Variants in CD274 observed in about 807,000 individuals in gnomAD.
CD274 encodes programmed cell death 1 ligand 1.
A neutral mutation model predicts 30.1 loss-of-function variants in CD274; 8 were observed. The ratio of observed to expected loss-of-function variants is 0.27; its 90% CI spans 0.16 to 0.48. The LOEUF (loss-of-function observed/expected upper bound fraction) is 0.48. CD274 is among the 20% of genes least tolerant of loss of function. The probability of loss-of-function intolerance (pLI) is 0.99; values close to 1 mark genes in which losing one functional copy is unlikely to be tolerated. For synonymous variants in CD274, 152 were observed against 124.6 expected (o/e 1.22, Z -1.46); for missense variants, 353 against 346.6 (o/e 1.02, Z -0.15).
intron 5 of CD274, 149 bp from the exon 6 acceptor site, chr9:5,466,621 C>T: frequency 1.7e-6 from 1 of 595,112 alleles, no homozygotes; most frequent in Non-Finnish European, 3.0e-6. Flanking sequence ...ATTAATTAAC[C>T]TCATAAGTTG....
intron 4 of CD274, chr9:5,463,375 A>G: frequency 2.1e-6 from 1 of 475,696 alleles, no homozygotes; most frequent in African/African-American, 1.9e-5. Context: ...TACACATAGA[A>G]TAATAAGACT....
Position 5,457,456 on chromosome 9 carries a change from T to C in CD274, c.394+36T>C, listed in dbSNP as rs867499468. 21 of 1,527,368 alleles carry C rather than the reference T, an allele frequency of 1.4e-5. No homozygotes were observed. The Middle Eastern group carries it at 8.5e-4, about 62-fold the overall frequency. The allele number at this position is 1,527,368 out of a possible 1,614,324, so 94.6% of individuals were successfully genotyped here. A position where few individuals can be genotyped will look rare whatever the true frequency, so the allele number is the denominator to read the frequency against. On this transcript the variant is annotated intron_variant, in intron 3 of 6. Transcript: ENST00000381577. ...TTATAGATGAGAGGCCTGATCTTTA[T>C]TGAAAACATATTCCAAGTGTTGAAG...
chr9:5,450,761 G>C (rs1444389158), intron 1 of CD274, among the ~76,000 whole-genome samples, 165 bp downstream of exon 1: 1 of 152,228 alleles, frequency 6.6e-6, no homozygotes, highest in African/African-American at 2.4e-5. Context: ...TTACCTGTTG[G>C]GGTTAATAAG....
chr9:5,466,002 T>C (rs1400460379), intron 5 of CD274: 1 of 153,860 alleles, frequency 6.5e-6, no homozygotes, highest in Non-Finnish European at 1.4e-5. Context: ...ATGTTTACCA[T>C]AGAGTATTTT....
chr9:5,470,198 C>T lies in CD274; in HGVS notation c.*2336C>T, dbSNP rs1040463162. 1 of 232,970 alleles carries T rather than the reference C, an allele frequency of 4.3e-6. No homozygotes were observed. The allele number at this position is 232,970 out of a possible 1,614,324, so 14.4% of individuals were successfully genotyped here. ...TGAAGAAACAGTGTCTCCAACAGAG[C>T]TCCTTGTGTTATCTGTTTGTACATG... On this transcript the variant is annotated 3_prime_UTR_variant, in exon 7 of 7. Coordinates refer to ENST00000381577, the MANE Select transcript of CD274 (RefSeq NM_014143.4).
At chr9:5,464,232 C>G (rs1050424874) in intron 4 of CD274, among the ~76,000 whole-genome samples, 2 of 152,128 alleles carry the variant, frequency 1.3e-5, no homozygotes, top group Non-Finnish European at 2.9e-5. Context: ...CATTTACAAG[C>G]TGTTTTATGA....
At chr9:5,452,308 C>T (rs1275703795) in intron 1 of CD274, among the ~76,000 whole-genome samples, 2 of 152,178 alleles carry the variant, frequency 1.3e-5, no homozygotes, top group Non-Finnish European at 2.9e-5. Context: ...TGAGCCACTG[C>T]TCCTGGCTGC....
chr9:5,462,490 T>G (rs1358305359), intron 3 of CD274, among the ~76,000 whole-genome samples: 1 of 152,186 alleles, frequency 6.6e-6, no homozygotes, highest in Non-Finnish European at 1.5e-5. Flanking sequence ...TTTGTAGAAA[T>G]TTAAGGGGTA....
chr9:5,455,433 TG>T (rs1207673458), intron 1 of CD274, among the ~76,000 whole-genome samples: 1 of 152,086 alleles, frequency 6.6e-6, no homozygotes, highest in East Asian at 1.9e-4. Flanking sequence ...TCTGGAAGAG[TG>T]GCTGTGAGTC....
chr9:5,466,681 T>C, intron 5 of CD274, 89 bp from the exon 6 acceptor site: 1 of 952,738 alleles, frequency 1.0e-6, no homozygotes, highest in Non-Finnish European at 1.6e-6. Flanking sequence ...ATTACAAATG[T>C]TTCACAGAAC....
chr9:5,462,002 T>A (rs1411187705), intron 3 of CD274, among the ~76,000 whole-genome samples: 1 of 152,188 alleles, frequency 6.6e-6, no homozygotes, highest in Non-Finnish European at 1.5e-5. Flanking sequence ...ACTAACGTCC[T>A]TAGTTATGAC....
chr9:5,465,614 T>A lies in CD274; in HGVS notation c.790+8T>A, dbSNP rs1438932808. ...TCTTCCGTTTAAGAAAAGGTAGTAT[T>A]TCCTTAATTGCAGTGGTCTCCACTG... On this transcript the variant is annotated splice_region_variant and intron_variant, in intron 5 of 6. Transcript: ENST00000381577. The A allele has an allele frequency of 7.3e-6, 11 of 1,507,814 alleles. No individual in the cohort carries two copies. In the African/African-American group the frequency reaches 1.5e-4, roughly 21 times the overall value. 93.4% of individuals were successfully genotyped at this position (1,507,814 alleles called of 1,614,324 possible).
intron 1 of CD274, among the ~76,000 whole-genome samples, chr9:5,453,171 A>C (rs538400841): frequency 6.6e-6 from 1 of 152,152 alleles, no homozygotes; most frequent in South Asian, 2.1e-4. Context: ...GACGGAAAGG[A>C]AAGAAATAAA....
chr9:5,463,872 C>G (rs899484372), intron 4 of CD274, among the ~76,000 whole-genome samples: 2 of 151,816 alleles, frequency 1.3e-5, no homozygotes, highest in African/African-American at 4.8e-5. Context: ...TCTCACTACT[C>G]TACAGAAGTA....
intron 3 of CD274, among the ~76,000 whole-genome samples, chr9:5,460,390 G>C (rs757017795): frequency 6.6e-6 from 1 of 152,030 alleles, no homozygotes; most frequent in South Asian, 2.1e-4. Context: ...GTCTAAATTA[G>C]TTCATTTCCT....
At chr9:5,456,587 C>G (rs12002985) in intron 2 of CD274, among the ~76,000 whole-genome samples, 94,218 of 152,070 alleles carry the variant, frequency 0.62, 30,124 homozygotes, top group East Asian at 0.92. Context: ...AAATGTCAGG[C>G]TAACACAGTA....
At chr9:5,460,690 G>T (rs1314842348) in intron 3 of CD274, among the ~76,000 whole-genome samples, 1 of 152,044 alleles carries the variant, frequency 6.6e-6, no homozygotes, top group Non-Finnish European at 1.5e-5. Context: ...TTGTACCTCT[G>T]GTGTACGTAT....
chr9:5,462,749 A>G (rs949499750), intron 3 of CD274, 85 bp from the exon 4 acceptor site: 1 of 1,280,806 alleles, frequency 7.8e-7, no homozygotes, highest in Non-Finnish European at 1.1e-6. Flanking sequence ...CTGCATTGAT[A>G]CTCTTTCTAA....
intron 1 of CD274, among the ~76,000 whole-genome samples, chr9:5,452,518 T>C (rs1819225889): frequency 6.6e-6 from 1 of 152,224 alleles, no homozygotes; most frequent in African/African-American, 2.4e-5. Context: ...TCACATATGG[T>C]CATAATTCTT....
Sources: gnomAD v4.1 joint callset for allele counts (sites outside exome capture counted in the v4.1 genomes callset) on GRCh38, gnomAD v4.1.1 for gene constraint, MANE v1.5 for transcripts, NCBI Gene and HGNC (gene_info 2026-07-23, HGNC 2026-07-21) for gene names.